The following UNC93A variants were observed in gnomAD, a reference collection of about 807,000 sequenced individuals.
UNC93A encodes unc-93 homolog A.
A neutral mutation model predicts 47.5 loss-of-function variants in UNC93A; 43 were observed. That is an observed-to-expected ratio of 0.91 (90% CI 0.71 to 1.17). The LOEUF (loss-of-function observed/expected upper bound fraction) is 1.17, where lower values mean the gene tolerates loss of function less well. Among genes scored for constraint, UNC93A ranks in the 50% most tolerant of loss-of-function variants. UNC93A has a pLI of 0.00. For missense variants in UNC93A, 605 were observed against 577.6 expected, an observed-to-expected ratio of 1.05 and a Z score of -0.49; for synonymous variants, 280 against 258.0, an observed-to-expected ratio of 1.09 and a Z score of -0.82.
chr6:167,284,039 A>T (rs1160103425), intron 1 of UNC93A, among the ~76,000 whole-genome samples: 2 of 152,178 alleles, frequency 1.3e-5, no homozygotes, highest in Non-Finnish European at 2.9e-5. Flanking sequence ...CTAAAACTCT[A>T]CTAAAATCCA....
chr6:167,278,025 A>C (rs1783572312), intron 1 of UNC93A, among the ~76,000 whole-genome samples: 2 of 152,016 alleles, frequency 1.3e-5, no homozygotes, highest in African/African-American at 4.8e-5. Context: ...TCCTCTACCC[A>C]CCCCAGGGAC....
At chr6:167,280,909 C>A (rs1394262952) in intron 1 of UNC93A, among the ~76,000 whole-genome samples, 1 of 152,118 alleles carries the variant, frequency 6.6e-6, no homozygotes, top group East Asian at 1.9e-4. Context: ...AAAAGGAGTA[C>A]AAATTTATCT....
upstream of UNC93A, among the ~76,000 whole-genome samples, chr6:167,287,059 T>C (rs1783748778): frequency 6.7e-6 from 1 of 150,056 alleles, no homozygotes; most frequent in Non-Finnish European, 1.5e-5. Context: ...GACATGTAAG[T>C]GGTTGGCTCT....
intron 1 of UNC93A, among the ~76,000 whole-genome samples, chr6:167,273,914 G>A (rs35233396): frequency 0.15 from 22,787 of 152,060 alleles, 2,027 homozygotes; most frequent in South Asian, 0.28. Flanking sequence ...CAGGTAGCAG[G>A]CTTAGAGAGA....
At chr6:167,281,553 G>A (rs115161525) in intron 1 of UNC93A, among the ~76,000 whole-genome samples, 1,922 of 152,286 alleles carry the variant, frequency 0.013, 48 homozygotes, top group African/African-American at 0.044. Flanking sequence ...GGAGGAGAGA[G>A]TATGTGCAGG....
At chr6:167,295,233 T>C (rs1778025457) in intron 2 of UNC93A, among the ~76,000 whole-genome samples, 1 of 152,122 alleles carries the variant, frequency 6.6e-6, no homozygotes, top group Non-Finnish European at 1.5e-5. Context: ...CCATGGAGCA[T>C]CTCTTCCAGG....
intron 1 of UNC93A, among the ~76,000 whole-genome samples, chr6:167,276,066 T>TC (rs953927315): frequency 3.4e-5 from 5 of 148,884 alleles, no homozygotes; most frequent in South Asian, 2.1e-4. Context: ...TTTCTTTTCT[T>TC]TTTTTTTTTT....
intron 1 of UNC93A, among the ~76,000 whole-genome samples, chr6:167,293,377 C>T (rs762520181): frequency 6.6e-6 from 1 of 152,162 alleles, no homozygotes; most frequent in Non-Finnish European, 1.5e-5. Context: ...CCCTCCACTC[C>T]AGCTCCACCC....
chr6:167,285,507 G>A (rs1186421633), intron 1 of UNC93A, among the ~76,000 whole-genome samples: 10 of 151,802 alleles, frequency 6.6e-5, no homozygotes, highest in Admixed American at 4.6e-4. Context: ...CATGTGCCTC[G>A]ATGGTGGCCT....
At position 167,315,222 on chromosome 6, in the gene UNC93A, G is replaced by A; in HGVS notation, c.1144G>A (p.Ala382Thr). ...YGVLFEKSKEAAFANYRLWEA... is the reference protein window; with the variant it reads ...YGVLFEKSKETAFANYRLWEA... ...CGTTCTGTTTGAGAAGAGCAAGGAA[G>A]CTGCCTTCGCCAATTACCGCCTGTG... The change falls in exon 8 of 8, where the codon GCT becomes ACT. Residue 382 changes from alanine to threonine, a missense_variant. By Grantham distance (58) the Ala-to-Thr change is moderately conservative (BLOSUM62 0). Transcript: ENST00000230256. 2.5e-6 allele frequency: 4 copies of A among 1,613,754 alleles called. No individual in the cohort carries two copies. The highest frequency in any genetic ancestry group is 1.1e-5 in the South Asian group (1 of 91,054).
intron 4 of UNC93A, among the ~76,000 whole-genome samples, chr6:167,299,869 G>T (rs6923070): frequency 6.6e-6 from 1 of 152,158 alleles, no homozygotes; most frequent in Non-Finnish European, 1.5e-5. Flanking sequence ...TGTGCCAAAG[G>T]GTCTGGACGA....
intron 1 of UNC93A, among the ~76,000 whole-genome samples, chr6:167,278,346 T>A (rs1282216423): frequency 6.6e-6 from 1 of 151,954 alleles, no homozygotes; most frequent in Non-Finnish European, 1.5e-5. Flanking sequence ...AACTCGGGTG[T>A]CCCCAGGGCC....
At chr6:167,285,888 A>G (rs1216868199) in intron 1 of UNC93A, among the ~76,000 whole-genome samples, 1 of 151,184 alleles carries the variant, frequency 6.6e-6, no homozygotes, top group Non-Finnish European at 1.5e-5. Context: ...AAGAGTAAAC[A>G]TACCCCTTTC....
chr6:167,269,221 C>T (rs531805395), upstream of UNC93A, among the ~76,000 whole-genome samples: 12 of 152,316 alleles, frequency 7.9e-5, no homozygotes, highest in Admixed American at 2.0e-4. Context: ...GTGAGGCGCC[C>T]GTGCTGGCCA....
At chr6:167,282,814 T>C (rs1783655797) in intron 1 of UNC93A, among the ~76,000 whole-genome samples, 1 of 152,184 alleles carries the variant, frequency 6.6e-6, no homozygotes, top group African/African-American at 2.4e-5. Flanking sequence ...AGTCAATGCA[T>C]GTAATGTGTG....
chr6:167,294,293 G>A (rs563560225), intron 1 of UNC93A, among the ~76,000 whole-genome samples: 4 of 152,126 alleles, frequency 2.6e-5, no homozygotes, highest in African/African-American at 2.4e-5. Context: ...CAGGGGTGCC[G>A]GGCCTTCACT....
At chr6:167,310,995 C>A (rs1368545836) in intron 7 of UNC93A, among the ~76,000 whole-genome samples, 1 of 152,236 alleles carries the variant, frequency 6.6e-6, no homozygotes, top group Non-Finnish European at 1.5e-5. Flanking sequence ...GCACTCCTGG[C>A]AGGCTGGCTC....
chr6:167,296,921 A>G (rs1465190798), intron 3 of UNC93A, among the ~76,000 whole-genome samples: 1 of 152,192 alleles, frequency 6.6e-6, no homozygotes, highest in Non-Finnish European at 1.5e-5. Context: ...AACTATTTCT[A>G]TCACTTCATC....
At chr6:167,296,381 C>A in intron 3 of UNC93A, 120 bp downstream of exon 3, 1 of 1,028,370 alleles carries the variant, frequency 9.7e-7, no homozygotes, top group South Asian at 1.5e-5. Context: ...GCAGGTGAGT[C>A]AGGCCCCACA....
Sources: allele counts gnomAD v4.1 joint callset (sites outside exome capture counted in the v4.1 genomes callset), GRCh38; gene constraint gnomAD v4.1.1; transcripts MANE v1.5; gene names NCBI Gene and HGNC (gene_info 2026-07-23, HGNC 2026-07-21).